Variants in HRH2 observed in about 807,000 individuals in gnomAD.
The protein encoded by HRH2 is histamine receptor H2.
In HRH2, 4 loss-of-function variants were observed where a neutral mutation model predicts 20.1. That is an observed-to-expected ratio of 0.20 (90% CI 0.10 to 0.45). The LOEUF is 0.45. Among genes scored for constraint, HRH2 ranks in the 20% least tolerant of loss-of-function variants. HRH2 has a pLI of 0.99. For missense variants in HRH2, 250 were observed against 461.6 expected (o/e 0.54, Z 4.20); for synonymous variants, 197 against 200.7 (o/e 0.98, Z 0.16).
intron 1 of HRH2, among the ~76,000 whole-genome samples, chr5:175,666,699 G>A (rs1376718044): frequency 6.6e-6 from 1 of 152,068 alleles, no homozygotes; most frequent in African/African-American, 2.4e-5. Flanking sequence ...CAAAGCACTG[G>A]GATTACAGAC....
At chr5:175,660,736 C>T (rs887656891) in intron 1 of HRH2, among the ~76,000 whole-genome samples, 1 of 152,112 alleles carries the variant, frequency 6.6e-6, no homozygotes, top group Admixed American at 6.5e-5. Context: ...TCTGAGTGTG[C>T]CCTGTCTCAG....
chr5:175,662,865 G>A (rs1762779217), intron 1 of HRH2, among the ~76,000 whole-genome samples: 1 of 152,138 alleles, frequency 6.6e-6, no homozygotes, highest in African/African-American at 2.4e-5. Flanking sequence ...GCAACCACAG[G>A]TCTACTTTCC....
At chr5:175,699,675 G>A (rs1239126241) in intron 2 of HRH2, among the ~76,000 whole-genome samples, 2 of 152,162 alleles carry the variant, frequency 1.3e-5, no homozygotes, top group Admixed American at 6.5e-5. Flanking sequence ...CTGGGTTCAC[G>A]CCATTCTCCT....
intron 2 of HRH2, among the ~76,000 whole-genome samples, chr5:175,689,829 A>G (rs1581445842): frequency 2.0e-5 from 3 of 152,324 alleles, no homozygotes; most frequent in African/African-American, 7.2e-5. Flanking sequence ...CAGGATGGGA[A>G]TCCGGAGTTC....
chr5:175,673,530 G>A (rs547600836), intron 1 of HRH2, among the ~76,000 whole-genome samples: 9 of 152,260 alleles, frequency 5.9e-5, no homozygotes, highest in Non-Finnish European at 1.3e-4. Context: ...GGAAAGGGAG[G>A]AAGCAGGAGC....
intron 2 of HRH2, among the ~76,000 whole-genome samples, chr5:175,702,379 T>A (rs1756813015): frequency 6.6e-6 from 1 of 151,790 alleles, no homozygotes; most frequent in African/African-American, 2.4e-5. Flanking sequence ...ATTAAAAAAA[T>A]ACAAAGATTG....
chr5:175,680,193 C>T (rs1046328299), intron 1 of HRH2, among the ~76,000 whole-genome samples: 2 of 152,230 alleles, frequency 1.3e-5, no homozygotes, highest in African/African-American at 4.8e-5. Context: ...GTGCACATAT[C>T]CTCATGAGAG....
rs1450718368 is a variant in HRH2 at position 175,658,683 on chromosome 5, C to T, written c.-526+528C>T. Among the ~76,000 whole-genome samples the T allele has an allele frequency of 2.6e-5, 4 of 151,482 alleles. No individual in the cohort carries two copies. In the Admixed American group the frequency reaches 2.7e-4, roughly 10 times the overall value. Reference sequence around the variant, plus strand: ...GTCTCAGGAAACCAGAACGACCTGCCTTCATCCCGCTGGGCTGCCGCCCGC... The same window carrying T: ...GTCTCAGGAAACCAGAACGACCTGCTTTCATCCCGCTGGGCTGCCGCCCGC... On this transcript the variant is annotated intron_variant, in intron 1 of 2. Transcript: ENST00000636584.
Position 175,677,434 on chromosome 5 carries a change from G to C in HRH2, c.-525-5275G>C, listed in dbSNP as rs1221889342. Reference sequence around the variant, plus strand: ...TTCTTAAATGAAGCTGTTCTGCCATGTTAAGTGGGAAGAAAGGGCTCCCTG... The same window carrying C: ...TTCTTAAATGAAGCTGTTCTGCCATCTTAAGTGGGAAGAAAGGGCTCCCTG... On this transcript the variant is annotated intron_variant, in intron 1 of 2. Coordinates refer to ENST00000636584, the MANE Select transcript of HRH2 (RefSeq NM_001367711.1). The surrounding 1 kb of genome is among the most constrained non-coding windows in gnomAD (Gnocchi z 4.2). Among the ~76,000 whole-genome samples the C allele has an allele frequency of 6.6e-6, 1 of 152,232 alleles. No homozygotes were observed. The highest frequency in any genetic ancestry group is 1.5e-5 in the Non-Finnish European group (1 of 68,048).
In HRH2 at chr5:175,683,276, A is replaced by T. The variant is rs746076760; in HGVS notation, c.43A>T (p.Thr15Ser). 6.2e-7 allele frequency: 1 copy of T among 1,614,114 alleles called. No individual in the cohort carries two copies. Among genetic ancestry groups the T allele is most frequent in the South Asian group, 1.1e-5 (1 of 91,082 alleles). ...AGCCTCTTCCTTTTGCCTGGACTCT[A>T]CCGCATGCAAGATCACCATCACCGT... is the stretch of plus-strand genomic sequence containing the variant. ...GTASSFCLDS[T>S]ACKITITVVL... The change falls in exon 2 of 3, where the codon ACC (threonine) becomes TCC (serine). Residue 15 changes from threonine (T) to serine (S), a missense_variant. By Grantham distance (58) the Thr-to-Ser change is moderately conservative (BLOSUM62 1). This residue lies in a region of HRH2 where 24 missense variants were observed against 22.9 expected (regional missense o/e 1.05). Transcript: ENST00000636584.
At chr5:175,701,563 C>A (rs967486624) in intron 2 of HRH2, among the ~76,000 whole-genome samples, 2 of 152,168 alleles carry the variant, frequency 1.3e-5, no homozygotes, top group Non-Finnish European at 2.9e-5. Flanking sequence ...TCTTTGCAGA[C>A]CCAAGGGAAA....
intron 2 of HRH2, among the ~76,000 whole-genome samples, chr5:175,688,639 G>A (rs189315590): frequency 1.3e-5 from 2 of 152,352 alleles, no homozygotes; most frequent in Non-Finnish European, 2.9e-5. Context: ...GCTAGGATTT[G>A]AGCCCGAGTC....
chr5:175,709,420 C>T lies in HRH2; in HGVS notation c.*1449C>T, dbSNP rs897615819. 6.6e-6 allele frequency: 1 copy of T among 152,334 alleles called. No individual in the cohort carries two copies. The highest frequency in any genetic ancestry group is 1.5e-5 in the Non-Finnish European group (1 of 68,066). 9.4% of individuals were successfully genotyped at this position (152,334 alleles called of 1,614,324 possible). A position where few individuals can be genotyped will look rare whatever the true frequency, so the allele number is the denominator to read the frequency against. ...CACAGATTTATAACTGCAGGCTTGG[C>T]TCCTTCCGGGAGCTTGAGACCCACT... is the stretch of plus-strand genomic sequence containing the variant. On this transcript the variant is annotated 3_prime_UTR_variant, in exon 3 of 3. Transcript: ENST00000636584.
intron 2 of HRH2, among the ~76,000 whole-genome samples, chr5:175,685,016 A>AG (rs1756121160): frequency 6.6e-6 from 1 of 152,036 alleles, no homozygotes; most frequent in Non-Finnish European, 1.5e-5. Flanking sequence ...ACTGTAGACG[A>AG]GGGGGTTGTG....
intron 1 of HRH2, among the ~76,000 whole-genome samples, chr5:175,670,960 C>T (rs2113488907): frequency 6.6e-6 from 1 of 152,384 alleles, no homozygotes; most frequent in East Asian, 1.9e-4. Context: ...CGCTTATACT[C>T]ACCCGGCAGG....
In HRH2 at chr5:175,683,271, A is replaced by T. The variant is rs1273801698; in HGVS notation, c.38A>T (p.Asp13Val). 1 of 1,613,608 alleles carries T rather than the reference A, an allele frequency of 6.2e-7. No homozygotes were observed. The highest frequency in any genetic ancestry group is 2.2e-5 in the East Asian group (1 of 44,856). Reference protein sequence around the residue: ...PNGTASSFCLDSTACKITITV... With the variant: ...PNGTASSFCLVSTACKITITV... ...GGCACAGCCTCTTCCTTTTGCCTGG[A>T]CTCTACCGCATGCAAGATCACCATC... Residue 13 changes from aspartate to valine, a missense_variant, in exon 2 of 3, where the codon GAC (aspartate) becomes GTC (valine). Coordinates refer to ENST00000636584, the MANE Select transcript of HRH2 (RefSeq NM_001367711.1).
chr5:175,677,625 T>A lies in HRH2; in HGVS notation c.-525-5084T>A, dbSNP rs1344573479. Among the ~76,000 whole-genome samples, 1 of 152,174 alleles carries A rather than the reference T, an allele frequency of 6.6e-6. No individual in the cohort carries two copies. Among genetic ancestry groups the A allele is most frequent in the Non-Finnish European group, 1.5e-5 (1 of 68,022 alleles). On this transcript the variant is annotated intron_variant, in intron 1 of 2. Coordinates refer to ENST00000636584, the MANE Select transcript of HRH2 (RefSeq NM_001367711.1). The surrounding 1 kb of genome is among the most constrained non-coding windows in gnomAD (Gnocchi z 4.2). The stretch of plus-strand genomic sequence containing the variant: ...CCCAAAATAACCCCTCCCAGCCCAT[T>A]TTGGGCTGCTCCTTGGGTGCTGATG...
intron 2 of HRH2, among the ~76,000 whole-genome samples, chr5:175,694,940 G>A (rs1311681424): frequency 6.6e-6 from 1 of 152,048 alleles, no homozygotes; most frequent in African/African-American, 2.4e-5. Flanking sequence ...CGGCTCACGG[G>A]GGCTCTTGCA....
chr5:175,697,986 C>T (rs1561739975), intron 2 of HRH2, among the ~76,000 whole-genome samples: 1 of 152,316 alleles, frequency 6.6e-6, no homozygotes, highest in East Asian at 1.9e-4. Flanking sequence ...CAGAAATGGC[C>T]ATACAATCTT....
Sources: allele counts gnomAD v4.1 joint callset (sites outside exome capture counted in the v4.1 genomes callset), GRCh38; gene constraint gnomAD v4.1.1; regional missense constraint gnomAD v4.1.1; non-coding constraint Gnocchi (gnomAD v3.1); transcripts MANE v1.5; gene names NCBI Gene and HGNC (gene_info 2026-07-23, HGNC 2026-07-21).